The following YBX3 variants were observed in gnomAD, a reference collection of about 807,000 sequenced individuals.
YBX3 encodes Y-box-binding protein 3.
YBX3 carries 29 observed loss-of-function variants against 42.4 expected under a neutral mutation model. That is an observed-to-expected ratio of 0.68 (90% CI 0.51 to 0.93). The LOEUF is 0.93. Ranked by LOEUF, YBX3 falls within the 40% of genes least tolerant of loss-of-function variation. YBX3 has a pLI of 0.00. For synonymous variants in YBX3, 195 were observed against 189.8 expected (o/e 1.03, Z -0.22); for missense variants, 517 against 527.5 (o/e 0.98, Z 0.19).
At chr12:10,709,285 G>C (rs1296219301) in intron 6 of YBX3, among the ~76,000 whole-genome samples, 2 of 152,200 alleles carry the variant, frequency 1.3e-5, no homozygotes, top group East Asian at 3.9e-4. Flanking sequence ...ATTGATGTAA[G>C]GTTTATTAAG....
At chr12:10,712,220 C>G (rs970476997) in intron 5 of YBX3, 11 of 152,342 alleles carry the variant, frequency 7.2e-5, no homozygotes, top group Admixed American at 3.9e-4. Context: ...CAGGCAGTCA[C>G]AATCCTGTGC....
intron 8 of YBX3, 102 bp downstream of exon 8, chr12:10,701,858 G>T: frequency 7.5e-7 from 1 of 1,339,162 alleles, no homozygotes; most frequent in Non-Finnish European, 1.0e-6. Flanking sequence ...TTTTATATTT[G>T]TTAAGTGTCA....
At chr12:10,719,266 A>G in intron 1 of YBX3, 123 bp from the exon 2 acceptor site, 2 of 777,594 alleles carry the variant, frequency 2.6e-6, no homozygotes, top group Non-Finnish European at 4.0e-6. Context: ...TAAAAGCTTA[A>G]TTCCAAAATA....
chr12:10,704,756 TC>T (rs1449761436), intron 6 of YBX3, among the ~76,000 whole-genome samples: 1 of 152,244 alleles, frequency 6.6e-6, no homozygotes, highest in Non-Finnish European at 1.5e-5. Context: ...ATTAGAATTT[TC>T]TTCTCTCCCA....
At chr12:10,711,889 G>A (rs1352495149) in intron 5 of YBX3, 1 of 152,140 alleles carries the variant, frequency 6.6e-6, no homozygotes, top group East Asian at 1.9e-4. Flanking sequence ...GAATTAACCT[G>A]GGAGTCAAAA....
intron 7 of YBX3, chr12:10,703,606 A>G: frequency 2.3e-6 from 1 of 435,036 alleles, no homozygotes; most frequent in Non-Finnish European, 4.6e-6. Context: ...GTCCAAGAAC[A>G]TACATCTAAT....
intron 5 of YBX3, chr12:10,710,477 C>T: frequency 8.3e-7 from 1 of 1,204,018 alleles, no homozygotes; most frequent in Non-Finnish European, 1.0e-6. Flanking sequence ...ATTTACCATC[C>T]ACTGAGGCAA....
intron 9 of YBX3, among the ~76,000 whole-genome samples, chr12:10,700,005 TCAGA>T (rs1036398444): frequency 2.0e-5 from 3 of 152,182 alleles, no homozygotes; most frequent in Non-Finnish European, 2.9e-5. Flanking sequence ...TTACCAAATG[TCAGA>T]CAGACTGTAA....
At chr12:10,712,043 A>T (rs1170329810) in intron 5 of YBX3, 1 of 152,242 alleles carries the variant, frequency 6.6e-6, no homozygotes, top group African/African-American at 2.4e-5. Flanking sequence ...AACAAGTGGG[A>T]AGTCCTAAGG....
chr12:10,721,981 C>T (rs1440110141), intron 1 of YBX3: 2 of 152,270 alleles, frequency 1.3e-5, no homozygotes. Context: ...CATCCACTGC[C>T]CCCCCAAATC....
At chr12:10,707,967 C>T (rs1290181282) in intron 6 of YBX3, among the ~76,000 whole-genome samples, 1 of 152,176 alleles carries the variant, frequency 6.6e-6, no homozygotes, top group African/African-American at 2.4e-5. Flanking sequence ...CACTTCTTGT[C>T]CATGTAAAAT....
intron 8 of YBX3, 110 bp from the exon 9 acceptor site, chr12:10,701,463 C>CAAAAATTTAACTACTCTTAAGT: frequency 3.0e-6 from 2 of 660,624 alleles, no homozygotes; most frequent in Non-Finnish European, 2.8e-6. Context: ...AATTAGCATG[C>CAAAAATTTAACTACTCTTAAGT]AAAAATTTAA....
intron 5 of YBX3, 123 bp from the exon 6 acceptor site, chr12:10,710,237 TA>T: frequency 1.3e-6 from 2 of 1,530,822 alleles, no homozygotes; most frequent in South Asian, 2.4e-5. Flanking sequence ...CTTTCCATTA[TA>T]CAGACAAAAT....
At chr12:10,715,847 T>C (rs1948255994) in intron 3 of YBX3, 64 bp from the exon 4 acceptor site, 1 of 1,341,030 alleles carries the variant, frequency 7.5e-7, no homozygotes, top group Non-Finnish European at 1.1e-6. Context: ...ATTTCACTGC[T>C]TTCAAGTACA....
chr12:10,708,236 T>C (rs189953513), intron 6 of YBX3, among the ~76,000 whole-genome samples: 1 of 152,350 alleles, frequency 6.6e-6, no homozygotes, highest in Admixed American at 6.5e-5. Flanking sequence ...TCTTTAAAAA[T>C]GGAAGTTATT....
At chr12:10,710,194 A>C in intron 5 of YBX3, 80 bp from the exon 6 acceptor site, 1 of 1,544,602 alleles carries the variant, frequency 6.5e-7, no homozygotes, top group Non-Finnish European at 8.7e-7. Flanking sequence ...GATGAATATC[A>C]CCAAAATAAA....
chr12:10,704,453 T>C, intron 6 of YBX3: 1 of 213,876 alleles, frequency 4.7e-6, no homozygotes, highest in Non-Finnish European at 9.1e-6. Context: ...AATAAAATAC[T>C]CTTTTATTTT....
At position 10,702,017 on chromosome 12, in the gene YBX3, G is replaced by C. The variant is rs376743593; in HGVS notation, c.996C>G (p.Pro332=). The C allele has an allele frequency of 5.5e-5, 89 of 1,613,900 alleles. No individual in the cohort carries two copies. The highest frequency in any genetic ancestry group is 7.2e-5 in the Non-Finnish European group (85 of 1,179,968). ...GACGCGGGCGACGCCGGTAATTGTAGGGACGCCGGTATCCACGGCGAACAG... is the reference window on the plus strand; with the variant it reads ...GACGCGGGCGACGCCGGTAATTGTACGGACGCCGGTATCCACGGCGAACAG... ...QPSVRRGYRR[P]YNYRRRPRPP... is the part of the protein sequence containing the mutation. The change falls in exon 8 of 10, where the codon CCC becomes CCG. Residue 332 remains proline, a synonymous_variant. Coordinates refer to ENST00000228251, the MANE Select transcript of YBX3 (RefSeq NM_003651.5).
chr12:10,722,954 G>A lies in YBX3; in HGVS notation c.158C>T (p.Ala53Val). ...GGCCGCGTCCCCACCGGGGTTTCCT[G>A]CGACGTGGGCGGCGGGCGCCGGGGC... ...AAAPAPAAHVAGNPGGDAAPA... is the reference protein window; with the variant it reads ...AAAPAPAAHVVGNPGGDAAPA... Residue 53 changes from alanine to valine, a missense_variant, in exon 1 of 10, where the codon GCA becomes GTA. Ala to Val is a moderately conservative substitution (Grantham distance 64). Coordinates refer to ENST00000228251, the MANE Select transcript of YBX3 (RefSeq NM_003651.5). The A allele has an allele frequency of 7.9e-7, 1 of 1,259,326 alleles. No homozygotes were observed. The highest frequency in any genetic ancestry group is 3.2e-5 in the East Asian group (1 of 31,378). The allele number at this position is 1,259,326 out of a possible 1,614,324, so 78.0% of individuals were successfully genotyped here.
Sources: gnomAD v4.1 joint callset for allele counts (sites outside exome capture counted in the v4.1 genomes callset) on GRCh38, gnomAD v4.1.1 for gene constraint, MANE v1.5 for transcripts, NCBI Gene and HGNC (gene_info 2026-07-23, HGNC 2026-07-21) for gene names.